UMAD1: variants seen among roughly 807,000 people sequenced by gnomAD.
UMAD1 encodes UBAP1-MVB12-associated (UMA) domain containing 1.
Under a neutral mutation model 6.1 loss-of-function variants are expected in UMAD1, and 8 were observed. The observed-to-expected ratio is 1.30, with a 90% CI of 0.76 to 2.35. The LOEUF is 2.35. Among genes scored for constraint, UMAD1 ranks in the 30% most tolerant of loss-of-function variants. The pLI, the probability that UMAD1 is intolerant of heterozygous loss-of-function variation, is 0.00. For missense variants in UMAD1, 130 were observed against 78.4 expected (o/e 1.66, Z -2.49); for synonymous variants, 56 against 31.4 (o/e 1.78, Z -2.61).
chr7:7,713,000 T>A (rs1383315058), intron 2 of UMAD1, among the ~76,000 whole-genome samples: 2 of 152,102 alleles, frequency 1.3e-5, no homozygotes, highest in African/African-American at 4.8e-5. Flanking sequence ...ACTAGCCTAT[T>A]GTGTCAATTT....
chr7:7,711,302 ATCCTTGTACATGTC>A (rs1780756340), intron 2 of UMAD1, among the ~76,000 whole-genome samples: 1 of 152,212 alleles, frequency 6.6e-6, no homozygotes, highest in Admixed American at 6.5e-5. Flanking sequence ...TGTTACAAAC[ATCCTTGTACATGTC>A]TCCTGGTGCA....
intron 3 of UMAD1, among the ~76,000 whole-genome samples, chr7:7,829,248 T>G (rs1783413175): frequency 6.6e-6 from 1 of 152,022 alleles, no homozygotes; most frequent in African/African-American, 2.4e-5. Flanking sequence ...AAATTGTTAC[T>G]GAATGAGCAG....
chr7:7,742,380 GCCT>G (rs1175333279), intron 2 of UMAD1: 2 of 590,030 alleles, frequency 3.4e-6, no homozygotes, highest in Non-Finnish European at 6.6e-6. Context: ...TATCTGGGCT[GCCT>G]CCGGAGTCGC....
chr7:7,819,299 A>T (rs184794407), intron 3 of UMAD1, among the ~76,000 whole-genome samples: 1 of 145,434 alleles, frequency 6.9e-6, no homozygotes, highest in African/African-American at 2.5e-5. Context: ...AACCATGAAT[A>T]TATTACTTCT....
intron 2 of UMAD1, among the ~76,000 whole-genome samples, chr7:7,674,962 C>G (rs1779702174): frequency 1.3e-5 from 2 of 151,980 alleles, no homozygotes; most frequent in Admixed American, 1.3e-4. Flanking sequence ...GAAGTCTTAA[C>G]ACATATACAG....
At chr7:7,796,200 T>G (rs989478962) in intron 2 of UMAD1, among the ~76,000 whole-genome samples, 1 of 151,662 alleles carries the variant, frequency 6.6e-6, no homozygotes, top group African/African-American at 2.4e-5. Context: ...TAGATATACT[T>G]AAGCATTCTT....
At chr7:7,739,726 A>G (rs1781426310) in intron 2 of UMAD1, among the ~76,000 whole-genome samples, 1 of 152,208 alleles carries the variant, frequency 6.6e-6, no homozygotes, top group Admixed American at 6.5e-5. Flanking sequence ...AGTTTATACT[A>G]ATCGAGTTAT....
At chr7:7,790,266 T>C (rs959507473) in intron 2 of UMAD1, among the ~76,000 whole-genome samples, 9 of 147,750 alleles carry the variant, frequency 6.1e-5, no homozygotes, top group African/African-American at 2.2e-4. Context: ...CACCGGAATG[T>C]GAGATGCATT....
intron 3 of UMAD1, among the ~76,000 whole-genome samples, chr7:7,860,998 C>G (rs1383860556): frequency 6.6e-6 from 1 of 152,038 alleles, no homozygotes. Flanking sequence ...TGACCAGACA[C>G]AAAAGGATAT....
intron 3 of UMAD1, among the ~76,000 whole-genome samples, chr7:7,854,865 G>A (rs1423131911): frequency 1.3e-5 from 2 of 152,166 alleles, no homozygotes; most frequent in Non-Finnish European, 2.9e-5. Flanking sequence ...AATCAAAGCA[G>A]GTTAGTTGCT....
chr7:7,705,910 T>A (rs988726008), intron 2 of UMAD1, among the ~76,000 whole-genome samples: 3 of 152,100 alleles, frequency 2.0e-5, no homozygotes, highest in African/African-American at 7.2e-5. Flanking sequence ...ATATGGGAAT[T>A]CTCTGTACCT....
At chr7:7,736,036 A>G (rs1355520484) in intron 2 of UMAD1, 1 of 152,348 alleles carries the variant, frequency 6.6e-6, no homozygotes, top group Non-Finnish European at 1.5e-5. Flanking sequence ...ATTTGGTGAG[A>G]AAGAGAGATG....
intron 1 of UMAD1, among the ~76,000 whole-genome samples, chr7:7,646,479 G>A (rs1211438355): frequency 2.1e-5 from 2 of 93,424 alleles, no homozygotes. Context: ...CCTTTCGCTG[G>A]ATTTTTTTTT....
intron 2 of UMAD1, among the ~76,000 whole-genome samples, chr7:7,689,066 A>T (rs1006980973): frequency 6.6e-6 from 1 of 152,090 alleles, no homozygotes; most frequent in African/African-American, 2.4e-5. Context: ...CTGCTTGACC[A>T]TGCGTTTTAG....
chr7:7,774,300 A>G lies in UMAD1; in HGVS notation c.83-27370A>G, dbSNP rs1405343443. Among the ~76,000 whole-genome samples, 6 of 152,352 alleles carry G rather than the reference A, an allele frequency of 3.9e-5. No individual in the cohort carries two copies. The East Asian group carries it at 1.2e-3, about 29-fold the overall frequency. The stretch of plus-strand genomic sequence containing the variant: ...TGAGGCAGTTTTTAAGGTCAGAACA[A>G]TAATGAAGAGCATTGAAGGTAGATA... On this transcript the variant is annotated intron_variant, in intron 2 of 3. Transcript: ENST00000682710.
intron 2 of UMAD1, among the ~76,000 whole-genome samples, chr7:7,754,058 G>A (rs997709836): frequency 2.0e-5 from 3 of 152,020 alleles, no homozygotes; most frequent in Admixed American, 6.6e-5. Context: ...GGTGGCGGGC[G>A]CCTGTAATCA....
chr7:7,689,624 C>T (rs1044971624), intron 2 of UMAD1, among the ~76,000 whole-genome samples: 2 of 152,130 alleles, frequency 1.3e-5, no homozygotes, highest in Non-Finnish European at 2.9e-5. Context: ...GCCCAGACTT[C>T]ATGGAAATGT....
At chr7:7,834,302 C>A (rs186375091) in intron 3 of UMAD1, among the ~76,000 whole-genome samples, 1 of 152,248 alleles carries the variant, frequency 6.6e-6, no homozygotes, top group East Asian at 1.9e-4. Context: ...AGATTATAGG[C>A]ATGAGCCACC....
intron 2 of UMAD1, among the ~76,000 whole-genome samples, chr7:7,747,966 T>G (rs964595053): frequency 1.3e-5 from 2 of 152,206 alleles, no homozygotes; most frequent in African/African-American, 4.8e-5. Flanking sequence ...TATGATTATA[T>G]ATGTTTCTTG....
Sources: allele counts gnomAD v4.1 joint callset (sites outside exome capture counted in the v4.1 genomes callset), GRCh38; gene constraint gnomAD v4.1.1; transcripts MANE v1.5; gene names NCBI Gene and HGNC (gene_info 2026-07-23, HGNC 2026-07-21).